The following MAP10 variants were observed in gnomAD, a reference collection of about 807,000 sequenced individuals.
MAP10 encodes the protein microtubule-associated protein 10.
Under a neutral mutation model 6.3 loss-of-function variants are expected in MAP10, and 10 were observed. That is an observed-to-expected ratio of 1.58 (90% CI 0.98 to 2.69). The LOEUF is 2.69. MAP10 is among the 30% of genes most tolerant of loss of function. The probability of loss-of-function intolerance (pLI) is 0.00; values close to 1 mark genes in which losing one functional copy is unlikely to be tolerated. For synonymous variants in MAP10, 459 were observed against 429.3 expected, an observed-to-expected ratio of 1.07 and a Z score of -0.86; for missense variants, 1,189 against 1,086.5, an observed-to-expected ratio of 1.09 and a Z score of -1.33.
In MAP10 at chr1:232,808,210, G is replaced by C; in HGVS notation, c.*43G>C. 6 of 1,309,336 alleles carry C rather than the reference G, an allele frequency of 4.6e-6. No homozygotes were observed. Among genetic ancestry groups the C allele is most frequent in the Non-Finnish European group, 6.0e-6 (6 of 997,680 alleles). The allele number at this position is 1,309,336 out of a possible 1,614,324, so 81.1% of individuals were successfully genotyped here. A position where few individuals can be genotyped will look rare whatever the true frequency, so the allele number is the denominator to read the frequency against. ...AAACTTTCAAGGACCTATGTGTACT[G>C]TTAGTGAAAAAAATTTTAAAGCTGT... On this transcript the variant is annotated 3_prime_UTR_variant, in exon 1 of 1. Transcript: ENST00000418460.
chr1:232,806,408 A>C lies in MAP10; in HGVS notation c.959A>C (p.Lys320Thr), dbSNP rs759123636. Residue 320 changes from lysine (K) to threonine (T), a missense_variant, in exon 1 of 1, where the codon AAA becomes ACA. Transcript: ENST00000418460. ...TQEKPPPAQA[K>T]ITIEPQMNAP... ...GAAAAACCGCCCCCTGCACAGGCTA[A>C]AATCACCATTGAGCCTCAAATGAAT... 4.3e-6 allele frequency: 7 copies of C among 1,613,810 alleles called. No homozygotes were observed. Among genetic ancestry groups the C allele is most frequent in the Non-Finnish European group, 5.9e-6 (7 of 1,179,896 alleles).
In MAP10 at chr1:232,805,578, G is replaced by A. The variant is rs1249718433; in HGVS notation, c.129G>A (p.Glu43=). ...VEQEEEEEEK[E]QGEASSPRGL... is the part of the protein sequence containing the mutation. The stretch of plus-strand genomic sequence containing the variant: ...AGGAGGAGGAAGAGGAGGAAAAGGA[G>A]CAGGGGGAGGCCTCGTCGCCGCGCG... Residue 43 remains glutamate (E), a synonymous_variant, in exon 1 of 1, where the codon GAG becomes GAA. Coordinates refer to ENST00000418460, the MANE Select transcript of MAP10 (RefSeq NM_019090.3). 1.3e-6 allele frequency: 2 copies of A among 1,556,166 alleles called. No homozygotes were observed. Among genetic ancestry groups the A allele is most frequent in the Non-Finnish European group, 1.7e-6 (2 of 1,151,544 alleles).
At position 232,806,060 on chromosome 1, in the gene MAP10, G is replaced by A. The variant is rs1436199426; in HGVS notation, c.611G>A (p.Gly204Glu). The A allele has an allele frequency of 2.5e-6, 4 of 1,614,004 alleles. No homozygotes were observed. The highest frequency in any genetic ancestry group is 3.3e-4 in the Middle Eastern group (2 of 6,062). Reference sequence around the variant, plus strand: ...CTCACCTTCACCCGCACAGGAGGAGGAGCGGAGGTCAGTCCCCAAACCCAG... The same window carrying A: ...CTCACCTTCACCCGCACAGGAGGAGAAGCGGAGGTCAGTCCCCAAACCCAG... Reference protein sequence around the residue: ...RPLTFTRTGGGAEVSPQTQQE... With the variant: ...RPLTFTRTGGEAEVSPQTQQE... Residue 204 changes from glycine to glutamate, a missense_variant, in exon 1 of 1, where the codon GGA becomes GAA. Transcript: ENST00000418460.
chr1:232,808,803 A>T lies in MAP10; in HGVS notation c.*636A>T, dbSNP rs1022144237. Among the ~76,000 whole-genome samples, 1 of 152,130 alleles carries T rather than the reference A, an allele frequency of 6.6e-6. No individual in the cohort carries two copies. Among genetic ancestry groups the T allele is most frequent in the African/African-American group, 2.4e-5 (1 of 41,454 alleles). On this transcript the variant is annotated 3_prime_UTR_variant, in exon 1 of 1. Transcript: ENST00000418460. ...TGTGATGGGATCATATTTGTTTTAC[A>T]CATCAGTGCATTTTTGTATCTAGCA...
chr1:232,805,419 G>T lies in MAP10; in HGVS notation c.-31G>T, dbSNP rs775849929. The T allele has an allele frequency of 1.9e-6, 3 of 1,612,766 alleles. No homozygotes were observed. The highest frequency in any genetic ancestry group is 1.3e-5 in the African/African-American group (1 of 75,040). ...GGGGCTTCAGCTTCTCGTTTGCGGAGCCCGCGGCGGCGTTTCCTGGGGCAA... is the reference window on the plus strand; with the variant it reads ...GGGGCTTCAGCTTCTCGTTTGCGGATCCCGCGGCGGCGTTTCCTGGGGCAA... On this transcript the variant is annotated 5_prime_UTR_variant, in exon 1 of 1. Coordinates refer to ENST00000418460, the MANE Select transcript of MAP10 (RefSeq NM_019090.3).
In MAP10 at chr1:232,807,829, A is replaced by G; in HGVS notation, c.2380A>G (p.Ile794Val). 1.9e-6 allele frequency: 3 copies of G among 1,613,646 alleles called. No individual in the cohort carries two copies. The highest frequency in any genetic ancestry group is 2.5e-6 in the Non-Finnish European group (3 of 1,179,714). Reference protein sequence around the residue: ...QDKSLEEASSISASDLSSTHW... With the variant: ...QDKSLEEASSVSASDLSSTHW... ...TAAAAGTTTGGAGGAAGCATCTAGT[A>G]TCTCTGCTAGTGATTTATCTTCAAC... The change falls in exon 1 of 1, where the codon ATC (isoleucine) becomes GTC (valine). Residue 794 changes from isoleucine to valine, a missense_variant. By Grantham distance (29) the Ile-to-Val change is conservative. Transcript: ENST00000418460.
rs1482096100 is a variant in MAP10 at position 232,805,778 on chromosome 1, G to A, written c.329G>A (p.Arg110Gln). 4 of 1,599,650 alleles carry A rather than the reference G, an allele frequency of 2.5e-6. No homozygotes were observed. The highest frequency in any genetic ancestry group is 1.7e-5 in the Admixed American group (1 of 59,232). Reference sequence around the variant, plus strand: ...GCTACCCTGCACTGCCGGCTCCTGCGGACCCCGCTTGCCACCTTGCTGCTG... The same window carrying A: ...GCTACCCTGCACTGCCGGCTCCTGCAGACCCCGCTTGCCACCTTGCTGCTG... ...QPATLHCRLL[R>Q]TPLATLLLQL... Residue 110 changes from arginine (R) to glutamine (Q), a missense_variant, in exon 1 of 1, where the codon CGG becomes CAG. Arg to Gln is a conservative substitution (Grantham distance 43). Coordinates refer to ENST00000418460, the MANE Select transcript of MAP10 (RefSeq NM_019090.3).
Position 232,807,925 on chromosome 1 carries a change from G to A in MAP10, c.2476G>A (p.Ala826Thr). The A allele has an allele frequency of 1.2e-6, 2 of 1,613,220 alleles. No individual in the cohort carries two copies. The highest frequency in any genetic ancestry group is 1.7e-6 in the Non-Finnish European group (2 of 1,179,648). ...GCACAATTCTGAAATTACAAAGAGA[G>A]CTCAAGACATCTCTGTTAAAACAAG... ...SMHNSEITKR[A>T]QDISVKTRSS... The change falls in exon 1 of 1, where the codon GCT (alanine) becomes ACT (threonine). Residue 826 changes from alanine (A) to threonine (T), a missense_variant. Coordinates refer to ENST00000418460, the MANE Select transcript of MAP10 (RefSeq NM_019090.3).
chr1:232,806,808 T>G lies in MAP10; in HGVS notation c.1359T>G (p.Ser453=), dbSNP rs1214616455. 3.7e-6 allele frequency: 6 copies of G among 1,613,094 alleles called. No homozygotes were observed. The highest frequency in any genetic ancestry group is 5.1e-6 in the Non-Finnish European group (6 of 1,179,722). ...CTGAAGCCAAGAAGGATAAGCGTTC[T>G]GTGGGGGGATGTGAAAAGTCAGTGA... ...CRSEAKKDKR[S]VGGCEKSVSL... Residue 453 remains serine, a synonymous_variant, in exon 1 of 1, where the codon TCT becomes TCG. Coordinates refer to ENST00000418460, the MANE Select transcript of MAP10 (RefSeq NM_019090.3).
rs1220031076 is a variant in MAP10, at chr1:232,807,432, T to A, written c.1983T>A (p.Asp661Glu). The A allele has an allele frequency of 1.9e-6, 3 of 1,613,682 alleles. No individual in the cohort carries two copies. Among genetic ancestry groups the A allele is most frequent in the Non-Finnish European group, 2.5e-6 (3 of 1,179,830 alleles). Reference sequence around the variant, plus strand: ...ATGCTGTTGTTGACAGAATTGTAGATAAGGAAATAGATATTAGACAGGTCA... The same window carrying A: ...ATGCTGTTGTTGACAGAATTGTAGAAAAGGAAATAGATATTAGACAGGTCA... ...QQDAVVDRIVDKEIDIRQVKT... is the reference protein window; with the variant it reads ...QQDAVVDRIVEKEIDIRQVKT... The change falls in exon 1 of 1, where the codon GAT becomes GAA. Residue 661 changes from aspartate (D) to glutamate (E), a missense_variant. Transcript: ENST00000418460.
Position 232,808,395 on chromosome 1 carries a change from G to A in MAP10, c.*228G>A. The A allele has an allele frequency of 2.7e-6, 1 of 364,978 alleles. No individual in the cohort carries two copies. The highest frequency in any genetic ancestry group is 5.1e-6 in the Non-Finnish European group (1 of 195,066). 22.6% of individuals were successfully genotyped at this position (364,978 alleles called of 1,614,324 possible). A position where few individuals can be genotyped will look rare whatever the true frequency, so the allele number is the denominator to read the frequency against. On this transcript the variant is annotated 3_prime_UTR_variant, in exon 1 of 1. Coordinates refer to ENST00000418460, the MANE Select transcript of MAP10 (RefSeq NM_019090.3). ...ATTGTTTAATCATAAGAATAAAAGTGTGTCTTTCTAAATTGTCTCTCTTAA... is the reference window on the plus strand; with the variant it reads ...ATTGTTTAATCATAAGAATAAAAGTATGTCTTTCTAAATTGTCTCTCTTAA...
At chr1:232,807,219 AGAAAC>A in the MAP10 span, 1 of 1,613,710 alleles carries the variant, frequency 6.2e-7, no homozygotes, top group Non-Finnish European at 8.5e-7. Flanking sequence ...GCACAAGTAA[AGAAAC>A]TAAACTGAAA....
In MAP10 at chr1:232,805,681, C is replaced by T. The variant is rs776302092; in HGVS notation, c.232C>T (p.Pro78Ser). 1.9e-6 allele frequency: 3 copies of T among 1,602,324 alleles called. No individual in the cohort carries two copies. The South Asian group carries it at 3.3e-5, about 18-fold the overall frequency. ...TTACCCTCCTGACGGCCCCGGCGCTCCCGCCGCCGAACCGTGGCCCGGTGT... is the reference window on the plus strand; with the variant it reads ...TTACCCTCCTGACGGCCCCGGCGCTTCCGCCGCCGAACCGTGGCCCGGTGT... ...LVYPPDGPGA[P>S]AAEPWPGVIR... The change falls in exon 1 of 1, where the codon CCC (proline) becomes TCC (serine). Residue 78 changes from proline (P) to serine (S), a missense_variant. Physicochemically the swap from Pro to Ser is moderately conservative, Grantham distance 74 (BLOSUM62 -1). Coordinates refer to ENST00000418460, the MANE Select transcript of MAP10 (RefSeq NM_019090.3).
rs1571897144 is a variant in MAP10, at chr1:232,807,555, T to C, written c.2106T>C (p.Asp702=). 6.2e-7 allele frequency: 1 copy of C among 1,612,954 alleles called. No individual in the cohort carries two copies. The highest frequency in any genetic ancestry group is 1.6e-4 in the Middle Eastern group (1 of 6,062). The change falls in exon 1 of 1, where the codon GAT becomes GAC. Residue 702 remains aspartate, a synonymous_variant. Transcript: ENST00000418460. ...YENISELKYS[D]DLSSPCYSED... is the part of the protein sequence containing the mutation. ...ACATCTCAGAACTGAAGTATTCAGATGATTTGTCTAGCCCTTGCTATTCTG... is the reference window on the plus strand; with the variant it reads ...ACATCTCAGAACTGAAGTATTCAGACGATTTGTCTAGCCCTTGCTATTCTG...
rs1160735621 is a variant in MAP10, at chr1:232,807,435, G to T, written c.1986G>T (p.Lys662Asn). ...CTGTTGTTGACAGAATTGTAGATAA[G>T]GAAATAGATATTAGACAGGTCAAAA... ...QDAVVDRIVD[K>N]EIDIRQVKTT... The change falls in exon 1 of 1, where the codon AAG (lysine) becomes AAT (asparagine). Residue 662 changes from lysine (K) to asparagine (N), a missense_variant. Coordinates refer to ENST00000418460, the MANE Select transcript of MAP10 (RefSeq NM_019090.3). The T allele has an allele frequency of 6.2e-7, 1 of 1,613,726 alleles. No individual in the cohort carries two copies. Among genetic ancestry groups the T allele is most frequent in the African/African-American group, 1.3e-5 (1 of 75,022 alleles).
At position 232,808,174 on chromosome 1, in the gene MAP10, A is replaced by G. The variant is rs748360656; in HGVS notation, c.*7A>G. 2 of 1,523,328 alleles carry G rather than the reference A, an allele frequency of 1.3e-6. No individual in the cohort carries two copies. Among genetic ancestry groups the G allele is most frequent in the East Asian group, 2.3e-5 (1 of 43,714 alleles). The allele number at this position is 1,523,328 out of a possible 1,614,324, so 94.4% of individuals were successfully genotyped here. ...TCCAGGATACACAATGTAAAAATAC[A>G]TGCTTTTAAAAAACTTTCAAGGACC... On this transcript the variant is annotated 3_prime_UTR_variant, in exon 1 of 1. Transcript: ENST00000418460.
At position 232,805,878 on chromosome 1, in the gene MAP10, G is replaced by T. The variant is rs375382784; in HGVS notation, c.429G>T (p.Ala143=). The part of the protein sequence containing the change: ...GACDISLATA[A]HRVVGPAASG... ...GCGACATTTCGCTGGCCACCGCAGC[G>T]CACAGGGTCGTGGGGCCGGCCGCCT... Residue 143 remains alanine, a synonymous_variant, in exon 1 of 1, where the codon GCG becomes GCT. Transcript: ENST00000418460. 5 of 1,598,716 alleles carry T rather than the reference G, an allele frequency of 3.1e-6. No homozygotes were observed. Among genetic ancestry groups the T allele is most frequent in the Non-Finnish European group, 4.3e-6 (5 of 1,172,812 alleles).
Position 232,805,534 on chromosome 1 carries a change from C to A in MAP10, c.85C>A (p.Pro29Thr). ...VRLEARLLPS[P>T]AAAVEQEEEE... ...TTTGGAAGCCCGGCTGCTGCCGTCCCCCGCTGCCGCAGTGGAGCAGGAGGA... is the reference window on the plus strand; with the variant it reads ...TTTGGAAGCCCGGCTGCTGCCGTCCACCGCTGCCGCAGTGGAGCAGGAGGA... Residue 29 changes from proline to threonine, a missense_variant, in exon 1 of 1, where the codon CCC becomes ACC. Physicochemically the swap from Pro to Thr is conservative, Grantham distance 38. Transcript: ENST00000418460. 1 of 1,562,860 alleles carries A rather than the reference C, an allele frequency of 6.4e-7. No homozygotes were observed. The highest frequency in any genetic ancestry group is 8.7e-7 in the Non-Finnish European group (1 of 1,153,520).
Position 232,806,627 on chromosome 1 carries a change from G to T in MAP10, c.1178G>T (p.Arg393Met), listed in dbSNP as rs200834253. 1.2e-4 allele frequency: 198 copies of T among 1,613,878 alleles called. No individual in the cohort carries two copies. The African/African-American group carries it at 2.3e-3, about 18-fold the overall frequency. ...GAACAAAATCGAATTAATACAATAA[G>T]GCAGTTGCCTTTGTTAAATGCTTTG... ...QTEQNRINTIRQLPLLNALLV... is the reference protein window; with the variant it reads ...QTEQNRINTIMQLPLLNALLV... Residue 393 changes from arginine (R) to methionine (M), a missense_variant, in exon 1 of 1, where the codon AGG (arginine) becomes ATG (methionine). By Grantham distance (91) the Arg-to-Met change is moderately conservative (BLOSUM62 -1). Transcript: ENST00000418460.
Sources: allele counts gnomAD v4.1 joint callset (sites outside exome capture counted in the v4.1 genomes callset), GRCh38; gene constraint gnomAD v4.1.1; transcripts MANE v1.5; gene names NCBI Gene and HGNC (gene_info 2026-07-23, HGNC 2026-07-21).